Variants in EHBP1 observed in about 807,000 individuals in gnomAD.
EHBP1 encodes the protein EH domain-binding protein 1.
A neutral mutation model predicts 144.0 loss-of-function variants in EHBP1; 55 were observed. The observed-to-expected ratio is 0.38, with a 90% CI of 0.31 to 0.48. The LOEUF is 0.48. Ranked by LOEUF, EHBP1 falls within the 20% of genes least tolerant of loss-of-function variation. The pLI, the probability that EHBP1 is intolerant of heterozygous loss-of-function variation, is 0.98. For synonymous variants in EHBP1, 469 were observed against 472.7 expected, an observed-to-expected ratio of 0.99 and a Z score of 0.10; for missense variants, 1,200 against 1,364.2, an observed-to-expected ratio of 0.88 and a Z score of 1.90.
intron 5 of EHBP1, among the ~76,000 whole-genome samples, chr2:62,790,262 TC>T (rs2043086270): frequency 6.6e-6 from 1 of 152,204 alleles, no homozygotes; most frequent in Non-Finnish European, 1.5e-5. Flanking sequence ...AAAATACAGT[TC>T]TGGGACAATT....
At chr2:63,019,318 T>A (rs1216747604) in intron 19 of EHBP1, among the ~76,000 whole-genome samples, 1 of 152,160 alleles carries the variant, frequency 6.6e-6, no homozygotes, top group Non-Finnish European at 1.5e-5. Flanking sequence ...AGCATAGAGA[T>A]TTAAGAGTAT....
chr2:62,720,071 AAGTTTGAGAATT>A (rs1221990302), intron 2 of EHBP1, among the ~76,000 whole-genome samples: 2 of 152,184 alleles, frequency 1.3e-5, no homozygotes, highest in Admixed American at 1.3e-4. Context: ...TCTAATTCTC[AAGTTTGAGAATT>A]AGATTGTCAA....
At chr2:62,782,928 G>A (rs957001645) in intron 5 of EHBP1, among the ~76,000 whole-genome samples, 2 of 152,078 alleles carry the variant, frequency 1.3e-5, no homozygotes, top group Admixed American at 6.5e-5. Flanking sequence ...AGTTTTATCC[G>A]AGACAAGGCA....
chr2:62,937,147 C>A (rs2056439038), intron 10 of EHBP1, among the ~76,000 whole-genome samples: 1 of 152,154 alleles, frequency 6.6e-6, no homozygotes, highest in Non-Finnish European at 1.5e-5. Context: ...GCGATCTAAC[C>A]TCTGAAGACA....
chr2:62,707,183 C>G lies in EHBP1; in HGVS notation c.-9C>G, dbSNP rs201188594. 69 of 1,612,800 alleles carry G rather than the reference C, an allele frequency of 4.3e-5. No individual in the cohort carries two copies. In the African/African-American group the frequency reaches 8.7e-4, roughly 20 times the overall value. ...ACCCAGAACTGCTCCAGTGTCTTGACTGATCATCATGGCTTCAGTTTGGAA... is the reference window on the plus strand; with the variant it reads ...ACCCAGAACTGCTCCAGTGTCTTGAGTGATCATCATGGCTTCAGTTTGGAA... On this transcript the variant is annotated 5_prime_UTR_variant, in exon 2 of 23. Transcript: ENST00000431489.
intron 10 of EHBP1, among the ~76,000 whole-genome samples, chr2:62,935,098 G>A (rs963349894): frequency 5.3e-5 from 8 of 152,212 alleles, no homozygotes; most frequent in African/African-American, 1.9e-4. Context: ...GGGAGGCTGA[G>A]GTGGGTGGAT....
chr2:63,032,566 CAAA>C (rs35237077), intron 19 of EHBP1, among the ~76,000 whole-genome samples: 1 of 28,290 alleles, frequency 3.5e-5, no homozygotes, highest in African/African-American at 1.5e-4. Flanking sequence ...GACTCTGTCT[CAAA>C]AAAAAAAAAA....
intron 5 of EHBP1, among the ~76,000 whole-genome samples, chr2:62,776,877 T>C (rs916078908): frequency 2.0e-5 from 3 of 152,220 alleles, no homozygotes; most frequent in Non-Finnish European, 4.4e-5. Flanking sequence ...ACAACAGTTA[T>C]ATTTAGGAAA....
chr2:62,747,494 A>T (rs1350381362), intron 3 of EHBP1, 42 bp downstream of exon 3: 1 of 1,463,768 alleles, frequency 6.8e-7, no homozygotes, highest in Non-Finnish European at 9.4e-7. Flanking sequence ...TGTTGAATAC[A>T]AATTAGCAAA....
At chr2:63,015,750 A>C (rs2060462069) in intron 19 of EHBP1, among the ~76,000 whole-genome samples, 1 of 152,212 alleles carries the variant, frequency 6.6e-6, no homozygotes, top group Non-Finnish European at 1.5e-5. Flanking sequence ...TAAGTGAGAT[A>C]TCTCTTTTGG....
chr2:62,865,064 A>G (rs189403190), intron 9 of EHBP1, 93 bp downstream of exon 9: 2 of 1,352,202 alleles, frequency 1.5e-6, no homozygotes, highest in Admixed American at 4.1e-5. Context: ...GGTACAAATC[A>G]TTAATGTACA....
chr2:62,909,862 A>G (rs1484364759), intron 10 of EHBP1, among the ~76,000 whole-genome samples: 1 of 152,058 alleles, frequency 6.6e-6, no homozygotes, highest in Non-Finnish European at 1.5e-5. Flanking sequence ...GGTTCAAGTG[A>G]TTCTCCTGCC....
chr2:62,816,620 G>A (rs910041109), intron 5 of EHBP1, among the ~76,000 whole-genome samples: 3 of 152,316 alleles, frequency 2.0e-5, no homozygotes, highest in Non-Finnish European at 4.4e-5. Flanking sequence ...ATGTCAGAAA[G>A]AGGAAGAGGA....
intron 3 of EHBP1, among the ~76,000 whole-genome samples, chr2:62,751,578 C>T (rs1251548516): frequency 1.3e-5 from 2 of 152,124 alleles, no homozygotes; most frequent in African/African-American, 2.4e-5. Flanking sequence ...CCTCCTTGTA[C>T]CTCCGGTAGA....
rs1478644446 is a variant in EHBP1 at position 62,862,913 on chromosome 2, A to AT, written c.758-1817dup. Among the ~76,000 whole-genome samples the AT allele has an allele frequency of 8.6e-5, 13 of 152,026 alleles. No homozygotes were observed. The South Asian group carries it at 2.8e-3, about 32-fold the overall frequency. On this transcript the variant is annotated intron_variant, in intron 8 of 22. Coordinates refer to ENST00000431489, the MANE Select transcript of EHBP1 (RefSeq NM_001142616.3). ...GTTTTGTTTTAAAATACTAACAAACATAAAAAAAAAAGCCTCGTGCTAAGT... is the reference window on the plus strand; with the variant it reads ...GTTTTGTTTTAAAATACTAACAAACATTAAAAAAAAAAGCCTCGTGCTAAGT...
intron 14 of EHBP1, among the ~76,000 whole-genome samples, chr2:62,974,138 C>G (rs1316073972): frequency 6.6e-6 from 1 of 152,162 alleles, no homozygotes; most frequent in Non-Finnish European, 1.5e-5. Context: ...TCTCCAGATA[C>G]TAATAAAATT....
At chr2:62,847,690 A>G (rs186334327) in intron 7 of EHBP1, among the ~76,000 whole-genome samples, 1 of 152,332 alleles carries the variant, frequency 6.6e-6, no homozygotes, top group African/African-American at 2.4e-5. Context: ...AAGACCATTA[A>G]GAAAATGTAC....
At chr2:62,784,935 A>G (rs550130315) in intron 5 of EHBP1, among the ~76,000 whole-genome samples, 6 of 152,312 alleles carry the variant, frequency 3.9e-5, no homozygotes, top group Admixed American at 2.0e-4. Context: ...CTGATTCATC[A>G]TTCCAGTAAG....
chr2:62,993,829 C>G (rs2059519329), intron 17 of EHBP1, 42 bp from the exon 18 acceptor site: 1 of 1,440,780 alleles, frequency 6.9e-7, no homozygotes, highest in African/African-American at 1.5e-5. Flanking sequence ...AAATATCAAG[C>G]TTTACAATAA....
Sources: gnomAD v4.1 joint callset for allele counts (sites outside exome capture counted in the v4.1 genomes callset) on GRCh38, gnomAD v4.1.1 for gene constraint, MANE v1.5 for transcripts, NCBI Gene and HGNC (gene_info 2026-07-23, HGNC 2026-07-21) for gene names.